SATL1: variants seen among roughly 807,000 people sequenced by gnomAD.
SATL1 encodes the protein spermidine/spermine N1-acetyl transferase like 1, also known as spermidine/spermine N(1)-acetyltransferase-like protein 1.
In SATL1, 47 loss-of-function variants were observed where a neutral mutation model predicts 51.8. The observed-to-expected ratio is 0.91, with a 90% CI of 0.72 to 1.16. The LOEUF (loss-of-function observed/expected upper bound fraction) is 1.16, where lower values mean the gene tolerates loss of function less well. Among genes scored for constraint, SATL1 ranks in the 50% most tolerant of loss-of-function variants. SATL1 has a pLI of 0.00. For missense variants in SATL1, 520 were observed against 526.4 expected, an observed-to-expected ratio of 0.99 and a Z score of 0.12; for synonymous variants, 176 against 182.4, an observed-to-expected ratio of 0.97 and a Z score of 0.28.
chrX:85,171,828 C>T (rs1157267545), intron 2 of SATL1, among the ~76,000 whole-genome samples: 1 of 111,513 alleles, frequency 9.0e-6, no homozygotes, highest in Non-Finnish European at 1.9e-5. Flanking sequence ...ATTAAGTGAA[C>T]AAATCCTCTC....
intron 2 of SATL1, among the ~76,000 whole-genome samples, chrX:85,189,720 A>G (rs962066166): frequency 2.7e-5 from 3 of 112,297 alleles, no homozygotes; most frequent in Non-Finnish European, 5.6e-5. Flanking sequence ...TTGATATTCA[A>G]TTGGTATTCA....
intron 6 of SATL1, 131 bp from the exon 7 acceptor site, chrX:85,093,356 A>C: frequency 1.6e-6 from 1 of 607,337 alleles, no homozygotes; most frequent in South Asian, 3.6e-5. Flanking sequence ...CTGGAAACAC[A>C]ACTCGTGAAT....
chrX:85,229,623 A>T (rs192844432), intron 1 of SATL1, among the ~76,000 whole-genome samples: 4 of 86,418 alleles, frequency 4.6e-5, no homozygotes, highest in East Asian at 3.6e-4. Flanking sequence ...ATTCAGAATT[A>T]AAAAAAAAGT....
At position 85,108,084 on chromosome X, in the gene SATL1, G is replaced by T. The variant is rs1925126015; in HGVS notation, c.885C>A (p.Ser295Arg). 8.3e-7 allele frequency: 1 copy of T among 1,211,726 alleles called. No individual in the cohort carries two copies. Among genetic ancestry groups the T allele is most frequent in the Non-Finnish European group, 1.1e-6 (1 of 895,563 alleles). ...EMNQVDMKQP[S>R]MSQAGMRQSG... ...ATTGCCTCATGCCAGCTTGGCTCAT[G>T]CTTGGTTGTTTCATGTCCACTTGGT... The change falls in exon 3 of 8, where the codon AGC (serine) becomes AGA (arginine). Residue 295 changes from serine to arginine, a missense_variant. Physicochemically the swap from Ser to Arg is moderately radical, Grantham distance 110. Coordinates refer to ENST00000644105, the MANE Select transcript of SATL1 (RefSeq NM_001367857.2).
chrX:85,194,830 A>G (rs1927517247), intron 2 of SATL1, among the ~76,000 whole-genome samples: 1 of 98,548 alleles, frequency 1.0e-5, no homozygotes, highest in East Asian at 3.5e-4. Flanking sequence ...CAATGAGAAC[A>G]CATGGACACA....
chrX:85,214,183 C>A (rs1927987897), intron 2 of SATL1, among the ~76,000 whole-genome samples: 1 of 111,863 alleles, frequency 8.9e-6, no homozygotes, highest in Admixed American at 9.5e-5. Flanking sequence ...CATGGTTCTG[C>A]AGGCTGTACA....
intron 1 of SATL1, among the ~76,000 whole-genome samples, chrX:85,228,646 T>C (rs910226428): frequency 1.8e-5 from 2 of 111,626 alleles, no homozygotes; most frequent in Non-Finnish European, 3.8e-5. Flanking sequence ...AATGGTCAAT[T>C]CTCAGTCCCC....
intron 1 of SATL1, among the ~76,000 whole-genome samples, chrX:85,239,074 A>G (rs1030485683): frequency 9.0e-6 from 1 of 110,618 alleles, no homozygotes; most frequent in Non-Finnish European, 1.9e-5. Context: ...TATTTGTTGA[A>G]AGGGTTGATC....
At chrX:85,133,462 G>A (rs1053088929) in intron 2 of SATL1, among the ~76,000 whole-genome samples, 27 of 112,373 alleles carry the variant, frequency 2.4e-4, no homozygotes, top group Admixed American at 7.5e-4. Context: ...TGAGCCATGC[G>A]CAGGATATAA....
chrX:85,219,217 G>GTAC (rs1423244117), intron 2 of SATL1: 1 of 111,988 alleles, frequency 8.9e-6, no homozygotes, highest in East Asian at 2.8e-4. Context: ...ACATATATGT[G>GTAC]TACTATATGG....
intron 2 of SATL1, among the ~76,000 whole-genome samples, chrX:85,179,988 T>C (rs1189496831): frequency 9.1e-6 from 1 of 110,484 alleles, no homozygotes; most frequent in African/African-American, 3.3e-5. Flanking sequence ...CTGGGTACTT[T>C]ATATACATTA....
chrX:85,204,379 C>G (rs983831539), intron 2 of SATL1, among the ~76,000 whole-genome samples: 14 of 112,340 alleles, frequency 1.2e-4, no homozygotes, highest in Non-Finnish European at 2.6e-4. Flanking sequence ...ACACTAGCTG[C>G]TTCTAGTCAG....
Position 85,108,301 on chromosome X carries a change from G to A in SATL1, c.668C>T (p.Pro223Leu). 1 of 1,210,316 alleles carries A rather than the reference G, an allele frequency of 8.3e-7. No individual in the cohort carries two copies. Residue 223 changes from proline (P) to leucine (L), a missense_variant, in exon 3 of 8, where the codon CCC becomes CTC. Pro to Leu is a moderately conservative substitution (Grantham distance 98, BLOSUM62 -3). Coordinates refer to ENST00000644105, the MANE Select transcript of SATL1 (RefSeq NM_001367857.2). ...MSQPGMSQQV[P>L]SQPGIRQPDT... is the part of the protein sequence containing the mutation. The stretch of plus-strand genomic sequence containing the variant: ...TGGTTGCCTTATGCCTGGTTGGCTG[G>A]GGACTTGCTGGCTCATGCCTGGTTG...
At chrX:85,105,032 T>C (rs1281062218) in intron 3 of SATL1, among the ~76,000 whole-genome samples, 1 of 111,560 alleles carries the variant, frequency 9.0e-6, no homozygotes, top group East Asian at 2.8e-4. Context: ...TTACTTACAG[T>C]TTTATAATAT....
chrX:85,146,064 T>A (rs982056911), intron 2 of SATL1, among the ~76,000 whole-genome samples: 141 of 109,911 alleles, frequency 1.3e-3, no homozygotes, highest in Non-Finnish European at 2.2e-3. Flanking sequence ...GCCCGGCAAT[T>A]TTTTTGTACT....
chrX:85,231,310 G>A (rs572915550), intron 1 of SATL1, among the ~76,000 whole-genome samples: 1 of 111,889 alleles, frequency 8.9e-6, no homozygotes. Context: ...AGTCACAGAA[G>A]GATAAATTTT....
chrX:85,178,620 A>AG (rs2147738548), intron 2 of SATL1, among the ~76,000 whole-genome samples: 1 of 107,097 alleles, frequency 9.3e-6, no homozygotes, highest in East Asian at 2.9e-4. Context: ...TCAAAAAAAA[A>AG]AAAACAAAAA....
chrX:85,173,460 C>T (rs933040240), intron 2 of SATL1, among the ~76,000 whole-genome samples: 1 of 109,989 alleles, frequency 9.1e-6, no homozygotes, highest in Non-Finnish European at 1.9e-5. Flanking sequence ...GACTACAGGT[C>T]TTTTTTTCCC....
At chrX:85,171,689 C>T (rs1926975956) in intron 2 of SATL1, among the ~76,000 whole-genome samples, 1 of 111,394 alleles carries the variant, frequency 9.0e-6, no homozygotes, top group African/African-American at 3.3e-5. Context: ...AACTTACCCA[C>T]CTTGTGGGAA....
Sources: allele counts gnomAD v4.1 joint callset (sites outside exome capture counted in the v4.1 genomes callset), GRCh38; gene constraint gnomAD v4.1.1; transcripts MANE v1.5; gene names NCBI Gene and HGNC (gene_info 2026-07-23, HGNC 2026-07-21).